The following NEK4 variants were observed in gnomAD, a reference collection of about 807,000 sequenced individuals.
The protein encoded by NEK4 is NIMA related kinase 4.
Under a neutral mutation model 98.4 loss-of-function variants are expected in NEK4, and 86 were observed. The ratio of observed to expected loss-of-function variants is 0.87; its 90% CI spans 0.73 to 1.05. NEK4 has a LOEUF of 1.05. Among genes scored for constraint, NEK4 ranks in the 50% least tolerant of loss-of-function variants. The pLI is 0.00. For missense variants in NEK4, 898 were observed against 950.3 expected (o/e 0.94, Z 0.72); for synonymous variants, 328 against 342.2 (o/e 0.96, Z 0.46).
Position 52,711,734 on chromosome 3 carries a change from T to C in NEK4, c.*43A>G. On this transcript the variant is annotated 3_prime_UTR_variant, in exon 16 of 16. Coordinates refer to ENST00000233027, the MANE Select transcript of NEK4 (RefSeq NM_003157.6). ...CCTTGCTTTTTAAGCCAAAATCCTC[T>C]AAAAATAGGTCTTTAATTCTGGCAG... 7.6e-7 allele frequency: 1 copy of C among 1,308,206 alleles called. No individual in the cohort carries two copies. The highest frequency in any genetic ancestry group is 1.1e-6 in the Non-Finnish European group (1 of 907,042). The allele number at this position is 1,308,206 out of a possible 1,614,324, so 81.0% of individuals were successfully genotyped here.
At chr3:52,768,632 T>C (rs762692995) in intron 1 of NEK4, 28 bp from the exon 2 acceptor site, 5 of 1,607,882 alleles carry the variant, frequency 3.1e-6, no homozygotes, top group Middle Eastern at 1.7e-4. Flanking sequence ...ATTTTTACAA[T>C]GTGCAAATAA....
chr3:52,733,524 T>A (rs947616028), intron 15 of NEK4: 3 of 486,510 alleles, frequency 6.2e-6, no homozygotes, highest in African/African-American at 6.0e-5. Context: ...CAGAAAAACC[T>A]TACACACGTA....
rs1319984623 is a variant in NEK4 at position 52,752,219 on chromosome 3, T to G, written c.1081A>C (p.Thr361Pro). 1.2e-6 allele frequency: 2 copies of G among 1,614,110 alleles called. No individual in the cohort carries two copies. The highest frequency in any genetic ancestry group is 3.3e-5 in the Admixed American group (2 of 60,002). ...QDLSNTTELA[T>P]ISSVNIDILP... The stretch of plus-strand genomic sequence containing the variant: ...ATGTCAATATTTACGCTACTGATTG[T>G]GGCTAGTTCTGTGGTATTGCTCAAG... The change falls in exon 7 of 16, where the codon ACA becomes CCA. Residue 361 changes from threonine to proline, a missense_variant. By Grantham distance (38) the Thr-to-Pro change is conservative. Transcript: ENST00000233027.
At chr3:52,730,805 C>T (rs1046720763) in intron 15 of NEK4, among the ~76,000 whole-genome samples, 3 of 152,142 alleles carry the variant, frequency 2.0e-5, no homozygotes, top group African/African-American at 7.2e-5. Context: ...TTTTATGTCT[C>T]AGCTTTGTGC....
intron 1 of NEK4, 36 bp downstream of exon 1, chr3:52,770,615 GCCC>G: frequency 3.9e-5 from 56 of 1,426,956 alleles, no homozygotes; most frequent in Non-Finnish European, 5.1e-5. Flanking sequence ...GCGCACTTCT[GCCC>G]GCCCCCGCCC....
At chr3:52,720,278 G>C (rs1193739538) in intron 15 of NEK4, among the ~76,000 whole-genome samples, 1 of 151,930 alleles carries the variant, frequency 6.6e-6, no homozygotes, top group Non-Finnish European at 1.5e-5. Flanking sequence ...AGTGAGCTGA[G>C]ATCGCACCAC....
At chr3:52,748,240 T>C (rs972645498) in intron 8 of NEK4, among the ~76,000 whole-genome samples, 4 of 152,004 alleles carry the variant, frequency 2.6e-5, no homozygotes, top group African/African-American at 7.2e-5. Flanking sequence ...GTGCTGGAAT[T>C]ACAGGTGTGA....
At position 52,733,474 on chromosome 3, in the gene NEK4, A is replaced by G. The variant is rs1430296291; in HGVS notation, c.2433+4112T>C. The G allele has an allele frequency of 9.5e-6, 4 of 423,102 alleles. No homozygotes were observed. The Admixed American group carries it at 1.2e-4, about 12-fold the overall frequency. 26.2% of individuals were successfully genotyped at this position (423,102 alleles called of 1,614,324 possible). On this transcript the variant is annotated intron_variant, in intron 15 of 15. Coordinates refer to ENST00000233027, the MANE Select transcript of NEK4 (RefSeq NM_003157.6). ...AATGTAATGAGTGTACAAGAACTTC[A>G]GGCACAAATTTTCCCTCACTCAACA...
rs767520022 is a variant in NEK4, at chr3:52,760,942, T to C, written c.822-6A>G. 6.4e-7 allele frequency: 1 copy of C among 1,551,414 alleles called. No homozygotes were observed. The highest frequency in any genetic ancestry group is 1.4e-5 in the African/African-American group (1 of 72,238). ...TGTTATTTTTGGAGGTTTTTCTTTA[T>C]AAAGAAGAAAAGAAAGAGTTATTAT... On this transcript the variant is annotated splice_region_variant and splice_polypyrimidine_tract_variant and intron_variant, in intron 5 of 15. Transcript: ENST00000233027.
intron 15 of NEK4, among the ~76,000 whole-genome samples, chr3:52,726,050 G>A (rs1340851228): frequency 6.6e-6 from 1 of 151,944 alleles, no homozygotes; most frequent in Non-Finnish European, 1.5e-5. Context: ...TGTAACCAAA[G>A]GAGATTAGGG....
intron 15 of NEK4, among the ~76,000 whole-genome samples, chr3:52,716,791 G>C (rs573035966): frequency 6.6e-6 from 1 of 152,326 alleles, no homozygotes. Context: ...ATTTATTTGA[G>C]AAAATCTAGA....
chr3:52,767,343 C>T (rs1192891161), intron 2 of NEK4, among the ~76,000 whole-genome samples: 14 of 152,066 alleles, frequency 9.2e-5, no homozygotes, highest in Non-Finnish European at 1.8e-4. Flanking sequence ...CAAAGTCAGA[C>T]GCACAGTCCT....
Position 52,752,236 on chromosome 3 carries a change from T to G in NEK4, c.1064A>C (p.Asn355Thr). ...KAHTCKQDLS[N>T]TTELATISSV... ...ACTGATTGTGGCTAGTTCTGTGGTATTGCTCAAGTCCTGTTTGCAGGTATG... is the reference window on the plus strand; with the variant it reads ...ACTGATTGTGGCTAGTTCTGTGGTAGTGCTCAAGTCCTGTTTGCAGGTATG... The change falls in exon 7 of 16, where the codon AAT becomes ACT. Residue 355 changes from asparagine to threonine, a missense_variant. By Grantham distance (65) the Asn-to-Thr change is moderately conservative (BLOSUM62 0). Coordinates refer to ENST00000233027, the MANE Select transcript of NEK4 (RefSeq NM_003157.6). 6.2e-7 allele frequency: 1 copy of G among 1,614,184 alleles called. No homozygotes were observed. The highest frequency in any genetic ancestry group is 8.5e-7 in the Non-Finnish European group (1 of 1,180,000).
chr3:52,752,916 A>AT (rs1328499249), intron 6 of NEK4, among the ~76,000 whole-genome samples: 3 of 113,348 alleles, frequency 2.6e-5, no homozygotes, highest in South Asian at 2.5e-4. Flanking sequence ...AAAAAAAAAA[A>AT]AATATATATA....
intron 8 of NEK4, among the ~76,000 whole-genome samples, chr3:52,747,922 G>A (rs1242986463): frequency 1.3e-5 from 2 of 151,602 alleles, no homozygotes; most frequent in African/African-American, 4.8e-5. Context: ...TCTAGCCTGG[G>A]TGACACAGCA....
Position 52,752,021 on chromosome 3 carries a change from T to A in NEK4, c.1279A>T (p.Met427Leu). The A allele has an allele frequency of 6.2e-7, 1 of 1,614,216 alleles. No individual in the cohort carries two copies. The highest frequency in any genetic ancestry group is 2.2e-5 in the East Asian group (1 of 44,890). Residue 427 changes from methionine (M) to leucine (L), a missense_variant, in exon 7 of 16, where the codon ATG becomes TTG. Coordinates refer to ENST00000233027, the MANE Select transcript of NEK4 (RefSeq NM_003157.6). ...CCAGTGACAATGTCAGAGGACCACA[T>A]GGGAATCAGGTTTTCAGGCTGGGCA... The part of the protein sequence containing the change: ...SSAQPENLIP[M>L]WSSDIVTGEK...
At position 52,711,537 on chromosome 3, in the gene NEK4, AAAC is replaced by A. The variant is rs1208460488; in HGVS notation, c.*237_*239del. ...AAGGCTCAGTAAACAGTAATCAAAC[AAAC>A]AACAGATTTGTCCTCACAAAGAGAA... is the stretch of plus-strand genomic sequence containing the variant. On this transcript the variant is annotated 3_prime_UTR_variant, in exon 16 of 16. Coordinates refer to ENST00000233027, the MANE Select transcript of NEK4 (RefSeq NM_003157.6). The A allele has an allele frequency of 5.7e-6, 2 of 350,966 alleles. No individual in the cohort carries two copies. The highest frequency in any genetic ancestry group is 4.6e-5 in the East Asian group (1 of 21,582). 21.7% of individuals were successfully genotyped at this position (350,966 alleles called of 1,614,324 possible).
rs745393026 is a variant in NEK4, at chr3:52,764,936, G to C, written c.666+951C>G. On this transcript the variant is annotated intron_variant, in intron 4 of 15. Transcript: ENST00000233027. ...CACTCCCTTCTTGTTTGATTCTTAA[G>C]TAGTGGCATTATGGGAAAATTTTAC... 5.9e-5 allele frequency among the ~76,000 whole-genome samples: 9 copies of C among 152,326 alleles called. No individual in the cohort carries two copies. The South Asian group carries it at 1.0e-3, about 18-fold the overall frequency.
At chr3:52,722,566 A>C (rs2097361032) in intron 15 of NEK4, among the ~76,000 whole-genome samples, 1 of 152,198 alleles carries the variant, frequency 6.6e-6, no homozygotes, top group African/African-American at 2.4e-5. Flanking sequence ...AAAACAAAAG[A>C]AATCAATAGA....
Sources: gnomAD v4.1 joint callset for allele counts (sites outside exome capture counted in the v4.1 genomes callset) on GRCh38, gnomAD v4.1.1 for gene constraint, MANE v1.5 for transcripts, NCBI Gene and HGNC (gene_info 2026-07-23, HGNC 2026-07-21) for gene names.